Variants in CLSTN1 observed in about 807,000 individuals in gnomAD.
The protein encoded by CLSTN1 is calsyntenin 1.
CLSTN1 carries 28 observed loss-of-function variants against 108.3 expected under a neutral mutation model. The ratio of observed to expected loss-of-function variants is 0.26; its 90% CI spans 0.19 to 0.35. CLSTN1 has a LOEUF of 0.35. Among genes scored for constraint, CLSTN1 ranks in the 10% least tolerant of loss-of-function variants. The pLI is 1.00. For synonymous variants in CLSTN1, 524 were observed against 534.9 expected (o/e 0.98, Z 0.28); for missense variants, 1,157 against 1,302.6 (o/e 0.89, Z 1.72).
At chr1:9,768,844 G>A (rs1213845358) in intron 2 of CLSTN1, among the ~76,000 whole-genome samples, 4 of 150,342 alleles carry the variant, frequency 2.7e-5, no homozygotes, top group South Asian at 2.1e-4. Flanking sequence ...GTGGCACCAC[G>A]GGGGTGGGGT....
At chr1:9,736,114 A>C in intron 11 of CLSTN1, 72 bp from the exon 12 acceptor site, 23 of 1,589,208 alleles carry the variant, frequency 1.4e-5, no homozygotes, top group Non-Finnish European at 1.9e-5. Context: ...CTCACTCAAC[A>C]CGGTGTTACC....
At chr1:9,757,413 T>C (rs1376476611) in intron 2 of CLSTN1, among the ~76,000 whole-genome samples, 2 of 151,562 alleles carry the variant, frequency 1.3e-5, no homozygotes, top group African/African-American at 2.4e-5. Flanking sequence ...AGTTAATTTT[T>C]TGTATTTTTA....
intron 4 of CLSTN1, 74 bp downstream of exon 4, chr1:9,755,040 G>C: frequency 7.8e-7 from 1 of 1,276,722 alleles, no homozygotes; most frequent in South Asian, 1.4e-5. Context: ...GCAGGCAATA[G>C]TCACTACTAT....
chr1:9,752,705 T>G (rs1220801201), intron 4 of CLSTN1, among the ~76,000 whole-genome samples: 1 of 151,908 alleles, frequency 6.6e-6, no homozygotes, highest in East Asian at 1.9e-4. Flanking sequence ...CTACCAAAAA[T>G]ACAAAAATTA....
intron 1 of CLSTN1, among the ~76,000 whole-genome samples, chr1:9,787,880 C>A (rs1030052345): frequency 1.3e-5 from 2 of 151,290 alleles, no homozygotes; most frequent in African/African-American, 4.8e-5. Flanking sequence ...AAACTCTGCA[C>A]CCACTAAATA....
chr1:9,748,190 C>T (rs1271245178), intron 7 of CLSTN1, among the ~76,000 whole-genome samples: 2 of 152,144 alleles, frequency 1.3e-5, no homozygotes, highest in Non-Finnish European at 2.9e-5. Flanking sequence ...TTTATGAAGA[C>T]GCTGCTTCAT....
chr1:9,807,018 G>C (rs185377116), intron 1 of CLSTN1, among the ~76,000 whole-genome samples: 12 of 152,110 alleles, frequency 7.9e-5, no homozygotes, highest in Admixed American at 1.3e-4. Flanking sequence ...GCGTGGGGGG[G>C]GGTCTGGAGC....
At chr1:9,786,673 A>AC (rs34604740) in intron 1 of CLSTN1, among the ~76,000 whole-genome samples, 1 of 149,628 alleles carries the variant, frequency 6.7e-6, no homozygotes, top group African/African-American at 2.4e-5. Context: ...AAAAAAAAAA[A>AC]CAAAGGTGAG....
chr1:9,811,262 C>T (rs1654745320), intron 1 of CLSTN1, among the ~76,000 whole-genome samples: 1 of 152,146 alleles, frequency 6.6e-6, no homozygotes, highest in African/African-American at 2.4e-5. Context: ...GAAGTTTTAA[C>T]ATGTCAGATT....
rs1405921597 is a variant in CLSTN1, at chr1:9,733,501, C to T, written c.2327G>A (p.Arg776His). The change falls in exon 16 of 19, where the codon CGC (arginine) becomes CAC (histidine). Residue 776 changes from arginine (R) to histidine (H), a missense_variant. Transcript: ENST00000377298. ...GGACCTGGCATGCCAGTTCCGATAG[C>T]GCAGCAGGTGCAAAACCTCCTCGTA... is the stretch of plus-strand genomic sequence containing the variant. ...ASYEEVLHLL[R>H]YRNWHARSLL... The T allele has an allele frequency of 7.4e-6, 12 of 1,614,162 alleles. No individual in the cohort carries two copies. Among genetic ancestry groups the T allele is most frequent in the African/African-American group, 2.7e-5 (2 of 75,044 alleles).
At chr1:9,798,957 G>A (rs1204380847) in intron 1 of CLSTN1, among the ~76,000 whole-genome samples, 1 of 152,106 alleles carries the variant, frequency 6.6e-6, no homozygotes. Flanking sequence ...GGGGCAGGAG[G>A]ATCACTTGAG....
At chr1:9,788,888 A>C (rs954572922) in intron 1 of CLSTN1, among the ~76,000 whole-genome samples, 3 of 137,782 alleles carry the variant, frequency 2.2e-5, no homozygotes, top group Admixed American at 7.6e-5. Flanking sequence ...AAAAAAAAAA[A>C]CAAAAGGAAT....
At chr1:9,805,866 CA>C (rs56899514) in intron 1 of CLSTN1, among the ~76,000 whole-genome samples, 1,185 of 74,860 alleles carry the variant, frequency 0.016, 10 homozygotes, top group East Asian at 0.07. Context: ...GACTCTGTCT[CA>C]AAAAAAAAAA....
rs142492603 is a variant in CLSTN1, at chr1:9,730,645, C to T, written c.2809G>A (p.Glu937Lys). ...EEEEEEEEES[E>K]DGEEEDDITS... ...ATGTCATCCTCTTCTTCGCCGTCCT[C>T]GCTTTCCTCTTCCTCTTCCTCTTCC... The change falls in exon 19 of 19, where the codon GAG (glutamate) becomes AAG (lysine). Residue 937 changes from glutamate (E) to lysine (K), a missense_variant. Glu to Lys is a moderately conservative substitution (Grantham distance 56, BLOSUM62 1). Coordinates refer to ENST00000377298, the MANE Select transcript of CLSTN1 (RefSeq NM_001009566.3). The surrounding 1 kb of genome is among the most constrained non-coding windows in gnomAD (Gnocchi z 5.6). 2.4e-5 allele frequency: 39 copies of T among 1,610,570 alleles called. No homozygotes were observed. Among genetic ancestry groups the T allele is most frequent in the South Asian group, 4.4e-5 (4 of 91,072 alleles).
intron 1 of CLSTN1, among the ~76,000 whole-genome samples, chr1:9,809,242 A>AC (rs892069974): frequency 6.6e-6 from 1 of 151,226 alleles, no homozygotes; most frequent in South Asian, 2.1e-4. Flanking sequence ...TCAGACACAC[A>AC]CCCCCCAGCC....
Position 9,823,214 on chromosome 1 carries a change from G to A in CLSTN1, c.91+429C>T, listed in dbSNP as rs1327236017. ...CCGCCTGATGCACATCTGAGCACACGTACACAGAGCATCTCACCCAGGGGT... is the reference window on the plus strand; with the variant it reads ...CCGCCTGATGCACATCTGAGCACACATACACAGAGCATCTCACCCAGGGGT... On this transcript the variant is annotated intron_variant, in intron 1 of 18. Transcript: ENST00000377298. The surrounding 1 kb of genome is among the most constrained non-coding windows in gnomAD (Gnocchi z 6.3). Among the ~76,000 whole-genome samples the A allele has an allele frequency of 1.3e-5, 2 of 152,190 alleles. No homozygotes were observed. Among genetic ancestry groups the A allele is most frequent in the African/African-American group, 2.4e-5 (1 of 41,460 alleles).
In CLSTN1 at chr1:9,823,782, G is replaced by A. The variant is rs1655286919; in HGVS notation, c.-49C>T. 2 of 875,466 alleles carry A rather than the reference G, an allele frequency of 2.3e-6. No homozygotes were observed. The highest frequency in any genetic ancestry group is 2.8e-6 in the Non-Finnish European group (2 of 722,112). 54.2% of individuals were successfully genotyped at this position (875,466 alleles called of 1,614,324 possible). On this transcript the variant is annotated 5_prime_UTR_variant, in exon 1 of 19. Coordinates refer to ENST00000377298, the MANE Select transcript of CLSTN1 (RefSeq NM_001009566.3). This position sits in a 1 kb window ranked among gnomAD's most constrained non-coding sequence, Gnocchi z 6.3. ...AGGGAGGCGCGCGGGACGCCGAGCG[G>A]AGCTCTCGGAGCTCTCGGGGCTCTA...
At chr1:9,786,369 C>T (rs1056290985) in intron 1 of CLSTN1, among the ~76,000 whole-genome samples, 1 of 152,016 alleles carries the variant, frequency 6.6e-6, no homozygotes, top group Admixed American at 6.6e-5. Context: ...AGGCTGGGCG[C>T]GGTGGCTCAT....
chr1:9,764,530 G>A lies in CLSTN1; in HGVS notation c.215-8020C>T, dbSNP rs150608696. Among the ~76,000 whole-genome samples, 984 of 151,840 alleles carry A rather than the reference G, an allele frequency of 6.5e-3. 12 individuals carry two copies. The highest frequency in any genetic ancestry group is 0.022 in the African/African-American group (918 of 41,392). On this transcript the variant is annotated intron_variant, in intron 2 of 18. Transcript: ENST00000377298. ...CACAGGCCTGTAATCCCAGCTACTC[G>A]GAAGGCTGAGGTGGGAGAATCGCTT...
Sources: allele counts gnomAD v4.1 joint callset (sites outside exome capture counted in the v4.1 genomes callset), GRCh38; gene constraint gnomAD v4.1.1; non-coding constraint Gnocchi (gnomAD v3.1); transcripts MANE v1.5; gene names NCBI Gene and HGNC (gene_info 2026-07-23, HGNC 2026-07-21).